KCTD16: variants seen among roughly 807,000 people sequenced by gnomAD.
KCTD16 encodes BTB/POZ domain-containing protein KCTD16.
In KCTD16, 13 loss-of-function variants were observed where a neutral mutation model predicts 33.2. The ratio of observed to expected loss-of-function variants is 0.39; its 90% CI spans 0.25 to 0.62. The LOEUF (loss-of-function observed/expected upper bound fraction) is 0.62, where lower values mean the gene tolerates loss of function less well. Among genes scored for constraint, KCTD16 ranks in the 20% least tolerant of loss-of-function variants. KCTD16 has a pLI of 0.50. For missense variants in KCTD16, 441 were observed against 525.1 expected (o/e 0.84, Z 1.57); for synonymous variants, 197 against 195.3 (o/e 1.01, Z -0.07).
At chr5:144,346,957 C>CT (rs139441930) in intron 3 of KCTD16, among the ~76,000 whole-genome samples, 53 of 148,272 alleles carry the variant, frequency 3.6e-4, no homozygotes, top group Middle Eastern at 3.4e-3. Context: ...ATTTTCAACA[C>CT]TTTTTTTTTT....
intron 2 of KCTD16, among the ~76,000 whole-genome samples, chr5:144,199,644 T>G (rs1181453787): frequency 6.6e-6 from 1 of 152,070 alleles, no homozygotes; most frequent in Non-Finnish European, 1.5e-5. Flanking sequence ...GGAGTTGGCT[T>G]TACTTGACTT....
intron 3 of KCTD16, among the ~76,000 whole-genome samples, chr5:144,402,538 C>G (rs1752727333): frequency 6.6e-6 from 1 of 152,110 alleles, no homozygotes. Flanking sequence ...TTACTAGCTA[C>G]AAGTTATTGT....
At chr5:144,418,950 A>G (rs1034309736) in intron 3 of KCTD16, among the ~76,000 whole-genome samples, 15 of 152,174 alleles carry the variant, frequency 9.9e-5, no homozygotes, top group African/African-American at 3.6e-4. Context: ...AGAACCTTTG[A>G]CCCCAAAGCT....
At chr5:144,318,662 G>C (rs116312680) in intron 3 of KCTD16, among the ~76,000 whole-genome samples, 12 of 152,094 alleles carry the variant, frequency 7.9e-5, no homozygotes, top group Non-Finnish European at 1.8e-4. Context: ...CATCGGCCCT[G>C]CCTGACCGCT....
At chr5:144,280,852 G>A (rs1465070404) in intron 3 of KCTD16, among the ~76,000 whole-genome samples, 2 of 149,546 alleles carry the variant, frequency 1.3e-5, no homozygotes, top group Non-Finnish European at 3.0e-5. Context: ...GCGTGAACCC[G>A]GCAGGCGGAG....
chr5:144,218,411 A>G (rs1301050683), intron 3 of KCTD16, among the ~76,000 whole-genome samples: 3 of 152,206 alleles, frequency 2.0e-5, no homozygotes, highest in Non-Finnish European at 4.4e-5. Context: ...ATGGAGTAAT[A>G]AAAGTTATAT....
In KCTD16 at chr5:144,483,973, G is replaced by A. The variant is rs1754754374; in HGVS notation, c.*9859G>A. 1.3e-5 allele frequency: 2 copies of A among 151,936 alleles called. No homozygotes were observed. The highest frequency in any genetic ancestry group is 4.8e-5 in the African/African-American group (2 of 41,412). The allele number at this position is 151,936 out of a possible 1,614,324, so 9.4% of individuals were successfully genotyped here. On this transcript the variant is annotated 3_prime_UTR_variant, in exon 4 of 4. Coordinates refer to ENST00000512467, the MANE Select transcript of KCTD16 (RefSeq NM_020768.4). ...ATTAGGTTTGAGGACATTTGAAGGA[G>A]CGATTGTTTTTTCCCCAAAATTTTG...
intron 3 of KCTD16, among the ~76,000 whole-genome samples, chr5:144,258,457 TTTG>T (rs1303810786): frequency 6.6e-6 from 1 of 152,246 alleles, no homozygotes; most frequent in Admixed American, 6.5e-5. Flanking sequence ...TTAACGATCT[TTTG>T]TTCAGCTGAA....
Position 144,222,575 on chromosome 5 carries a change from A to T in KCTD16, c.832+15029A>T, listed in dbSNP as rs369068868. Among the ~76,000 whole-genome samples the T allele has an allele frequency of 1.5e-4, 23 of 152,348 alleles. No individual in the cohort carries two copies. In the East Asian group the frequency reaches 4.2e-3, roughly 28 times the overall value. On this transcript the variant is annotated intron_variant, in intron 3 of 3. Transcript: ENST00000512467. Reference sequence around the variant, plus strand: ...ATTGCTGGCCATCAGAGAAATGCAAATCAAAACCACAATGAGATACCATCT... The same window carrying T: ...ATTGCTGGCCATCAGAGAAATGCAATTCAAAACCACAATGAGATACCATCT...
chr5:144,410,904 C>T (rs1242383025), intron 3 of KCTD16, among the ~76,000 whole-genome samples: 1 of 152,090 alleles, frequency 6.6e-6, no homozygotes, highest in Non-Finnish European at 1.5e-5. Flanking sequence ...GGCTATCGTT[C>T]CCTACCCTCT....
intron 2 of KCTD16, among the ~76,000 whole-genome samples, chr5:144,191,309 C>G (rs1025726109): frequency 7.9e-5 from 12 of 152,078 alleles, no homozygotes; most frequent in Non-Finnish European, 4.4e-5. Flanking sequence ...CATTTCTGCT[C>G]AAAAACTCAC....
At chr5:144,239,851 G>GA (rs986645809) in intron 3 of KCTD16, among the ~76,000 whole-genome samples, 10 of 152,094 alleles carry the variant, frequency 6.6e-5, no homozygotes, top group African/African-American at 9.7e-5. Context: ...ACTGGTACTT[G>GA]AAGGATAAAT....
At chr5:144,421,526 G>T (rs1190163423) in intron 3 of KCTD16, among the ~76,000 whole-genome samples, 1 of 152,118 alleles carries the variant, frequency 6.6e-6, no homozygotes, top group East Asian at 1.9e-4. Context: ...ACTCCATCTG[G>T]TTCCTTGGAC....
chr5:144,365,061 T>C (rs575660735), intron 3 of KCTD16, among the ~76,000 whole-genome samples: 1 of 152,076 alleles, frequency 6.6e-6, no homozygotes, highest in Admixed American at 6.6e-5. Flanking sequence ...CTTATTTCTT[T>C]GATGACAAGT....
chr5:144,457,193 G>C (rs1222721009), intron 3 of KCTD16, among the ~76,000 whole-genome samples: 1 of 152,242 alleles, frequency 6.6e-6, no homozygotes, highest in Admixed American at 6.5e-5. Context: ...ACTCGGGCCA[G>C]GTGGCCCTTA....
At chr5:144,185,644 G>A (rs1752709708) in intron 2 of KCTD16, among the ~76,000 whole-genome samples, 1 of 151,940 alleles carries the variant, frequency 6.6e-6, no homozygotes, top group Non-Finnish European at 1.5e-5. Flanking sequence ...GAGTAGGGGA[G>A]GGATAATTCT....
intron 3 of KCTD16, among the ~76,000 whole-genome samples, chr5:144,418,107 G>A (rs1255127767): frequency 6.6e-6 from 1 of 152,124 alleles, no homozygotes; most frequent in African/African-American, 2.4e-5. Flanking sequence ...GTTCCTCCTG[G>A]TGGGTTGGTA....
At chr5:144,374,115 C>G (rs1365866383) in intron 3 of KCTD16, among the ~76,000 whole-genome samples, 1 of 152,154 alleles carries the variant, frequency 6.6e-6, no homozygotes, top group Non-Finnish European at 1.5e-5. Flanking sequence ...TGCAGTGCCT[C>G]TTTTGCTATG....
intron 1 of KCTD16, among the ~76,000 whole-genome samples, chr5:144,171,772 G>A (rs1436547321): frequency 6.6e-6 from 1 of 152,202 alleles, no homozygotes; most frequent in African/African-American, 2.4e-5. Flanking sequence ...AAGGGGCCAG[G>A]AAATATCCTG....
Sources: gnomAD v4.1 joint callset for allele counts (sites outside exome capture counted in the v4.1 genomes callset) on GRCh38, gnomAD v4.1.1 for gene constraint, MANE v1.5 for transcripts, NCBI Gene and HGNC (gene_info 2026-07-23, HGNC 2026-07-21) for gene names.